TOM1L2: variants seen among roughly 807,000 people sequenced by gnomAD.
TOM1L2 encodes TOM1-like protein 2.
Under a neutral mutation model 67.9 loss-of-function variants are expected in TOM1L2, and 31 were observed. The ratio of observed to expected loss-of-function variants is 0.46; its 90% CI spans 0.34 to 0.62. The LOEUF (loss-of-function observed/expected upper bound fraction) is 0.62, where lower values mean the gene tolerates loss of function less well. Among genes scored for constraint, TOM1L2 ranks in the 20% least tolerant of loss-of-function variants. TOM1L2 has a pLI of 0.01. For synonymous variants in TOM1L2, 256 were observed against 254.0 expected (o/e 1.01, Z -0.07); for missense variants, 606 against 663.5 (o/e 0.91, Z 0.95).
At chr17:17,944,519 C>T (rs1308272633) in intron 1 of TOM1L2, among the ~76,000 whole-genome samples, 2 of 152,206 alleles carry the variant, frequency 1.3e-5, no homozygotes, top group Non-Finnish European at 2.9e-5. Context: ...GATTTGGTGT[C>T]TTAGAAGCAA....
chr17:17,932,657 C>G (rs777143699), intron 1 of TOM1L2, among the ~76,000 whole-genome samples: 1 of 152,130 alleles, frequency 6.6e-6, no homozygotes, highest in Non-Finnish European at 1.5e-5. Flanking sequence ...TGGAACCAGA[C>G]AGAACTACAT....
chr17:17,879,415 T>C (rs1041246320), intron 7 of TOM1L2, among the ~76,000 whole-genome samples: 7 of 145,966 alleles, frequency 4.8e-5, no homozygotes, highest in Non-Finnish European at 1.1e-4. Context: ...AGGAAAAAAA[T>C]GTTATTAAGG....
chr17:17,888,325 T>A (rs188316864), intron 4 of TOM1L2, among the ~76,000 whole-genome samples: 1 of 152,228 alleles, frequency 6.6e-6, no homozygotes, highest in South Asian at 2.1e-4. Flanking sequence ...TTGGACCGTA[T>A]ACAAAACCCC....
rs80236924 is a variant in TOM1L2 at position 17,968,298 on chromosome 17, A to G, written c.52+3964T>C. Among the ~76,000 whole-genome samples, 1,135 of 152,322 alleles carry G rather than the reference A, an allele frequency of 7.5e-3. 13 individuals carry two copies. Among genetic ancestry groups the G allele is most frequent in the African/African-American group, 0.026 (1,090 of 41,566 alleles). On this transcript the variant is annotated intron_variant, in intron 1 of 14. Coordinates refer to ENST00000379504, the MANE Select transcript of TOM1L2 (RefSeq NM_001082968.2). ...AATTATTTAGGTGTAAGCCCCATGC[A>G]GCTGTTGAGAAGTATTATTTTATAA...
At chr17:17,956,446 C>T (rs953583107) in intron 1 of TOM1L2, among the ~76,000 whole-genome samples, 1 of 152,248 alleles carries the variant, frequency 6.6e-6, no homozygotes, top group Non-Finnish European at 1.5e-5. Flanking sequence ...CAGTGGATCC[C>T]ACACCTGGGT....
chr17:17,936,408 T>C (rs954483039), intron 1 of TOM1L2, among the ~76,000 whole-genome samples: 1 of 152,120 alleles, frequency 6.6e-6, no homozygotes, highest in African/African-American at 2.4e-5. Context: ...ACTAAGCATA[T>C]GTAAAGCAAT....
At chr17:17,861,629 C>A in intron 11 of TOM1L2, 78 bp from the exon 12 acceptor site, 1 of 1,245,704 alleles carries the variant, frequency 8.0e-7, no homozygotes, top group South Asian at 1.2e-5. Context: ...GGCCTGTAAT[C>A]ACTTCTATCC....
chr17:17,865,727 T>C lies in TOM1L2; in HGVS notation c.1084+569A>G, dbSNP rs183945118. Among the ~76,000 whole-genome samples the C allele has an allele frequency of 2.1e-3, 307 of 145,568 alleles. 1 individual carries two copies. Among genetic ancestry groups the C allele is most frequent in the African/African-American group, 7.4e-3 (295 of 39,832 alleles). ...CATAGGGAATGTTCCATATAAAACATGGCAGGTGACCTTTCTTTTTTTTTT... is the reference window on the plus strand; with the variant it reads ...CATAGGGAATGTTCCATATAAAACACGGCAGGTGACCTTTCTTTTTTTTTT... On this transcript the variant is annotated intron_variant, in intron 10 of 14. Transcript: ENST00000379504.
chr17:17,853,089 G>A lies in TOM1L2; in HGVS notation c.1279-2137C>T, dbSNP rs79236785. On this transcript the variant is annotated intron_variant, in intron 12 of 14. Transcript: ENST00000379504. The stretch of plus-strand genomic sequence containing the variant: ...CACTGCTACTCTGTGCTTGCTGGCA[G>A]GCCTTCTGCCTTGAGACATTCCTGG... Among the ~76,000 whole-genome samples the A allele has an allele frequency of 2.0e-3, 304 of 152,252 alleles. 6 individuals are homozygous for A. In the East Asian group the frequency reaches 0.046, roughly 23 times the overall value.
intron 1 of TOM1L2, among the ~76,000 whole-genome samples, chr17:17,948,829 C>T (rs1377391945): frequency 6.6e-6 from 1 of 152,152 alleles, no homozygotes; most frequent in Non-Finnish European, 1.5e-5. Flanking sequence ...CAACCCCACA[C>T]TCTCCACACC....
At chr17:17,935,513 G>C (rs570851883) in intron 1 of TOM1L2, among the ~76,000 whole-genome samples, 15 of 152,294 alleles carry the variant, frequency 9.8e-5, no homozygotes, top group African/African-American at 3.6e-4. Flanking sequence ...AGCTTGCCGA[G>C]CTGTGCTTTC....
At chr17:17,939,692 C>T (rs2040651501) in intron 1 of TOM1L2, among the ~76,000 whole-genome samples, 1 of 151,990 alleles carries the variant, frequency 6.6e-6, no homozygotes, top group Non-Finnish European at 1.5e-5. Flanking sequence ...TTCTATAACA[C>T]AAAGTTTAAA....
intron 7 of TOM1L2, among the ~76,000 whole-genome samples, chr17:17,872,707 C>T (rs2037213907): frequency 6.6e-6 from 1 of 152,240 alleles, no homozygotes; most frequent in South Asian, 2.1e-4. Flanking sequence ...TTTGCTCCAG[C>T]GCTCCAGGTG....
chr17:17,915,939 T>C (rs1029702142), intron 1 of TOM1L2, among the ~76,000 whole-genome samples: 1 of 151,986 alleles, frequency 6.6e-6, no homozygotes, highest in African/African-American at 2.4e-5. Context: ...ACTCTCTTGA[T>C]TGTATCTTTT....
At chr17:17,965,269 C>G (rs2041835099) in intron 1 of TOM1L2, among the ~76,000 whole-genome samples, 1 of 152,184 alleles carries the variant, frequency 6.6e-6, no homozygotes, top group African/African-American at 2.4e-5. Flanking sequence ...GTTCAAACTA[C>G]TTAGCCAACA....
chr17:17,966,815 T>C (rs1252646930), intron 1 of TOM1L2, among the ~76,000 whole-genome samples: 1 of 152,248 alleles, frequency 6.6e-6, no homozygotes, highest in Non-Finnish European at 1.5e-5. Context: ...TTGCATATAG[T>C]TGGTACTTAA....
chr17:17,897,987 G>A (rs1160111285), intron 3 of TOM1L2, among the ~76,000 whole-genome samples: 1 of 148,878 alleles, frequency 6.7e-6, no homozygotes, highest in Non-Finnish European at 1.5e-5. Flanking sequence ...GTGCAGTGGT[G>A]CGATCTCAGC....
At chr17:17,879,013 G>C (rs1314105371) in intron 7 of TOM1L2, among the ~76,000 whole-genome samples, 1 of 152,210 alleles carries the variant, frequency 6.6e-6, no homozygotes, top group African/African-American at 2.4e-5. Context: ...CATGCCCCCA[G>C]ATCCATGGGC....
chr17:17,851,536 G>A (rs1032500132), intron 12 of TOM1L2, among the ~76,000 whole-genome samples: 6 of 152,160 alleles, frequency 3.9e-5, no homozygotes, highest in African/African-American at 1.4e-4. Context: ...GAGGAGGTGC[G>A]TGCTCCGCTG....
Sources: allele counts gnomAD v4.1 joint callset (sites outside exome capture counted in the v4.1 genomes callset), GRCh38; gene constraint gnomAD v4.1.1; transcripts MANE v1.5; gene names NCBI Gene and HGNC (gene_info 2026-07-23, HGNC 2026-07-21).